Variants in GSG1L observed in about 807,000 individuals in gnomAD.
GSG1L encodes the protein GSG1 like, also known as germ cell-specific gene 1-like protein.
GSG1L carries 24 observed loss-of-function variants against 42.1 expected under a neutral mutation model. The ratio of observed to expected loss-of-function variants is 0.57; its 90% CI spans 0.41 to 0.80. The LOEUF (loss-of-function observed/expected upper bound fraction) is 0.80, where lower values mean the gene tolerates loss of function less well. GSG1L is among the 30% of genes least tolerant of loss of function. The probability of loss-of-function intolerance (pLI) is 0.00; values close to 1 mark genes in which losing one functional copy is unlikely to be tolerated. For synonymous variants in GSG1L, 215 were observed against 203.5 expected (o/e 1.06, Z -0.48); for missense variants, 445 against 472.2 (o/e 0.94, Z 0.53).
At chr16:27,871,235 A>T (rs1433697391) in intron 3 of GSG1L, among the ~76,000 whole-genome samples, 5 of 151,930 alleles carry the variant, frequency 3.3e-5, no homozygotes, top group African/African-American at 1.2e-4. Context: ...GCTGCTGGAC[A>T]CCCCACAATG....
intron 2 of GSG1L, among the ~76,000 whole-genome samples, chr16:27,896,696 T>A (rs755014608): frequency 7.2e-5 from 11 of 151,838 alleles, no homozygotes; most frequent in Non-Finnish European, 1.5e-4. Context: ...GACAGGAGGG[T>A]CAGAGACAGA....
At chr16:28,020,105 T>C (rs114126686) in intron 1 of GSG1L, among the ~76,000 whole-genome samples, 1,938 of 152,312 alleles carry the variant, frequency 0.013, 49 homozygotes, top group African/African-American at 0.044. Flanking sequence ...CGCAGAGACA[T>C]TGATGTGGCG....
chr16:27,989,372 A>G (rs2085428198), intron 1 of GSG1L, among the ~76,000 whole-genome samples: 1 of 152,158 alleles, frequency 6.6e-6, no homozygotes, highest in South Asian at 2.1e-4. Flanking sequence ...AGTCTTCTTG[A>G]CCCAAACTAA....
At chr16:27,851,076 G>C in intron 3 of GSG1L, among the ~76,000 whole-genome samples, 1 of 152,224 alleles carries the variant, frequency 6.6e-6, no homozygotes, top group Non-Finnish European at 1.5e-5. Flanking sequence ...GCAAGGTCCA[G>C]AGACGGCCAG....
intron 4 of GSG1L, among the ~76,000 whole-genome samples, chr16:27,831,835 A>G (rs899628355): frequency 3.3e-5 from 5 of 152,142 alleles, no homozygotes; most frequent in Non-Finnish European, 5.9e-5. Flanking sequence ...GGCTCTCCAC[A>G]TCCCAGCCCT....
chr16:28,052,856 C>A (rs372290045), intron 1 of GSG1L, among the ~76,000 whole-genome samples: 1 of 152,246 alleles, frequency 6.6e-6, no homozygotes, highest in African/African-American at 2.4e-5. Context: ...ATCCACCAAG[C>A]GGAGACAGTG....
chr16:27,948,770 C>T (rs1041347036), intron 2 of GSG1L, among the ~76,000 whole-genome samples: 5 of 151,348 alleles, frequency 3.3e-5, no homozygotes, highest in African/African-American at 7.3e-5. Flanking sequence ...CCACCGCACC[C>T]GGCTAATTTT....
chr16:27,937,396 C>T (rs1207226204), intron 2 of GSG1L, among the ~76,000 whole-genome samples: 1 of 151,950 alleles, frequency 6.6e-6, no homozygotes, highest in Non-Finnish European at 1.5e-5. Context: ...TGCCCACCAC[C>T]ATGCCCAGCT....
intron 3 of GSG1L, among the ~76,000 whole-genome samples, chr16:27,862,217 C>A (rs949673062): frequency 1.3e-5 from 2 of 152,204 alleles, no homozygotes; most frequent in Non-Finnish European, 2.9e-5. Flanking sequence ...AGGAGCCTGT[C>A]CCTCTTGATG....
At chr16:27,937,626 G>C (rs1434619036) in intron 2 of GSG1L, among the ~76,000 whole-genome samples, 1 of 152,200 alleles carries the variant, frequency 6.6e-6, no homozygotes, top group Non-Finnish European at 1.5e-5. Context: ...CACTCTCCAA[G>C]TAAGACAGAC....
chr16:27,951,737 C>G (rs2084952606), intron 2 of GSG1L, among the ~76,000 whole-genome samples: 1 of 152,206 alleles, frequency 6.6e-6, no homozygotes, highest in Non-Finnish European at 1.5e-5. Flanking sequence ...GCTCAGCATG[C>G]TCTGATCTAT....
rs773983828 is a variant in GSG1L, at chr16:27,844,981, G to T, written c.631C>A (p.Pro211Thr). 1 of 1,613,266 alleles carries T rather than the reference G, an allele frequency of 6.2e-7. No homozygotes were observed. Among genetic ancestry groups the T allele is most frequent in the Admixed American group, 1.7e-5 (1 of 59,996 alleles). The change falls in exon 4 of 7, where the codon CCC (proline) becomes ACC (threonine). Residue 211 changes from proline (P) to threonine (T), a missense_variant. Pro to Thr is a conservative substitution (Grantham distance 38). Transcript: ENST00000447459. The stretch of plus-strand genomic sequence containing the variant: ...GACCACCCGTAGTCCCAGGAATGGG[G>T]TCTCCAGTCCTCAGGACCGAGGCTC... ...TVSLGPEDWR[P>T]HSWDYGWSFC...
chr16:27,807,609 T>G (rs2082982088), intron 5 of GSG1L, 55 bp from the exon 6 acceptor site: 2 of 1,498,896 alleles, frequency 1.3e-6, no homozygotes, highest in Non-Finnish European at 1.8e-6. Context: ...GAAGGATGAG[T>G]GGGCAGAGAC....
rs187271373 is a variant in GSG1L at position 27,838,339 on chromosome 16, C to T, written c.662+6611G>A. On this transcript the variant is annotated intron_variant, in intron 4 of 6. Transcript: ENST00000447459. Reference sequence around the variant, plus strand: ...GGCTATATCCATGAGCCTTCATCTCCCTGTTCCTCTCACCCCCCAGGGCCC... The same window carrying T: ...GGCTATATCCATGAGCCTTCATCTCTCTGTTCCTCTCACCCCCCAGGGCCC... Among the ~76,000 whole-genome samples, 4 of 152,300 alleles carry T rather than the reference C, an allele frequency of 2.6e-5. No homozygotes were observed. In the East Asian group the frequency reaches 7.7e-4, roughly 29 times the overall value.
At chr16:28,046,344 T>C (rs1337660925) in intron 1 of GSG1L, among the ~76,000 whole-genome samples, 1 of 11,168 alleles carries the variant, frequency 9.0e-5, no homozygotes, top group South Asian at 6.3e-3. Context: ...GTCCACTCTT[T>C]TTTTTTTTTT....
chr16:27,804,008 T>C (rs1052654178), intron 6 of GSG1L, among the ~76,000 whole-genome samples: 1 of 146,800 alleles, frequency 6.8e-6, no homozygotes, highest in African/African-American at 2.5e-5. Flanking sequence ...GAATAATAGA[T>C]GGATGATGGA....
chr16:28,030,409 TAC>T (rs1323370172), intron 1 of GSG1L, among the ~76,000 whole-genome samples: 1 of 151,926 alleles, frequency 6.6e-6, no homozygotes, highest in Non-Finnish European at 1.5e-5. Context: ...CTGGGGCCAC[TAC>T]ATGAAGAGGA....
At chr16:27,814,661 G>T (rs1343557816) in intron 5 of GSG1L, among the ~76,000 whole-genome samples, 1 of 150,220 alleles carries the variant, frequency 6.7e-6, no homozygotes, top group Non-Finnish European at 1.5e-5. Context: ...CTCCAGCCTG[G>T]GTGACAGAGG....
At chr16:28,052,245 C>T (rs2086229113) in intron 1 of GSG1L, among the ~76,000 whole-genome samples, 1 of 152,012 alleles carries the variant, frequency 6.6e-6, no homozygotes, top group African/African-American at 2.4e-5. Context: ...CACCAATGTT[C>T]AACCTGTTAT....
Sources: gnomAD v4.1 joint callset for allele counts (sites outside exome capture counted in the v4.1 genomes callset) on GRCh38, gnomAD v4.1.1 for gene constraint, MANE v1.5 for transcripts, NCBI Gene and HGNC (gene_info 2026-07-23, HGNC 2026-07-21) for gene names.